The following VRK2 variants were observed in gnomAD, a reference collection of about 807,000 sequenced individuals.
VRK2 encodes serine/threonine-protein kinase VRK2.
A neutral mutation model predicts 57.6 loss-of-function variants in VRK2; 60 were observed. That is an observed-to-expected ratio of 1.04 (90% CI 0.85 to 1.29). The LOEUF (loss-of-function observed/expected upper bound fraction) is 1.29. Ranked by LOEUF, VRK2 falls within the 50% of genes most tolerant of loss-of-function variation. The pLI, the probability that VRK2 is intolerant of heterozygous loss-of-function variation, is 0.00. For synonymous variants in VRK2, 231 were observed against 199.2 expected (o/e 1.16, Z -1.35); for missense variants, 705 against 588.1 (o/e 1.20, Z -2.06).
At chr2:57,969,337 A>G (rs1394647210) in intron 1 of VRK2, among the ~76,000 whole-genome samples, 11 of 152,084 alleles carry the variant, frequency 7.2e-5, no homozygotes, top group Non-Finnish European at 1.6e-4. Flanking sequence ...GAAAATAAAT[A>G]TGTTTAAAAA....
intron 2 of VRK2, among the ~76,000 whole-genome samples, chr2:58,068,431 T>G (rs1389942258): frequency 6.6e-6 from 1 of 152,172 alleles, no homozygotes; most frequent in African/African-American, 2.4e-5. Context: ...TAATGCATTG[T>G]TCACTCTGGC....
chr2:58,031,108 G>C (rs1212119110), intron 2 of VRK2, among the ~76,000 whole-genome samples: 2 of 152,050 alleles, frequency 1.3e-5, no homozygotes, highest in Non-Finnish European at 2.9e-5. Context: ...ATGTGAGTAT[G>C]ATAACATACT....
At chr2:58,078,512 C>A (rs1321918895) in intron 2 of VRK2, among the ~76,000 whole-genome samples, 1 of 151,956 alleles carries the variant, frequency 6.6e-6, no homozygotes, top group Non-Finnish European at 1.5e-5. Context: ...TCAATACATA[C>A]CCAGAAATGG....
intron 1 of VRK2, among the ~76,000 whole-genome samples, chr2:57,917,245 T>C (rs968370957): frequency 1.8e-4 from 27 of 152,002 alleles, no homozygotes; most frequent in African/African-American, 5.8e-4. Context: ...GTAAAGAAAT[T>C]AGCACTAGAC....
At chr2:58,136,911 A>AT (rs1558684941) in intron 10 of VRK2, among the ~76,000 whole-genome samples, 11 of 123,740 alleles carry the variant, frequency 8.9e-5, no homozygotes, top group African/African-American at 3.8e-4. Context: ...TATCATATAT[A>AT]TATCATATAT....
At chr2:58,146,654 T>C (rs912089740) in intron 12 of VRK2, among the ~76,000 whole-genome samples, 180 bp downstream of exon 12, 1 of 152,018 alleles carries the variant, frequency 6.6e-6, no homozygotes, top group Non-Finnish European at 1.5e-5. Context: ...CCAGTTATCA[T>C]AGAAACAGAA....
chr2:58,004,149 T>G (rs1332234831), intron 1 of VRK2, among the ~76,000 whole-genome samples: 2 of 150,434 alleles, frequency 1.3e-5, no homozygotes, highest in East Asian at 3.8e-4. Context: ...TTTTTTCTCT[T>G]TGTCTCTTTT....
intron 2 of VRK2, among the ~76,000 whole-genome samples, chr2:58,060,983 T>C (rs1677242110): frequency 6.6e-6 from 1 of 151,862 alleles, no homozygotes; most frequent in African/African-American, 2.4e-5. Flanking sequence ...ATCGCTAAAA[T>C]AGGCTTGAAA....
At chr2:58,064,312 G>T (rs1322878703) in intron 2 of VRK2, among the ~76,000 whole-genome samples, 3 of 152,046 alleles carry the variant, frequency 2.0e-5, no homozygotes, top group African/African-American at 4.8e-5. Context: ...AGAGTCAATT[G>T]ATGTGGCAAA....
At chr2:58,018,801 G>A (rs1179904796) in intron 1 of VRK2, among the ~76,000 whole-genome samples, 1 of 152,002 alleles carries the variant, frequency 6.6e-6, no homozygotes, top group Non-Finnish European at 1.5e-5. Flanking sequence ...CCAATTATAA[G>A]GGTATAATGA....
At chr2:57,922,454 TTG>T (rs59731064) in intron 1 of VRK2, among the ~76,000 whole-genome samples, 20,214 of 146,870 alleles carry the variant, frequency 0.14, 1,740 homozygotes, top group African/African-American at 0.25. Flanking sequence ...AGTTACCTTC[TTG>T]TGTGTGTGTG....
intron 7 of VRK2, among the ~76,000 whole-genome samples, chr2:58,104,927 G>A (rs1284963815): frequency 1.3e-5 from 2 of 151,694 alleles, no homozygotes; most frequent in East Asian, 3.9e-4. Context: ...CCAAGTGATT[G>A]TTGATAGAGT....
intron 3 of VRK2, among the ~76,000 whole-genome samples, chr2:58,036,626 A>G (rs1674282774): frequency 6.6e-6 from 1 of 151,918 alleles, no homozygotes; most frequent in Non-Finnish European, 1.5e-5. Context: ...TAAAACCAAA[A>G]AAAATGTAGT....
upstream of VRK2, chr2:58,046,646 A>T (rs1460439126): frequency 8.1e-6 from 8 of 985,442 alleles, no homozygotes; most frequent in African/African-American, 1.7e-5. Flanking sequence ...CGGGGCGTGG[A>T]CAGGCCGCTG....
At chr2:57,925,696 G>C (rs1670507982) in intron 1 of VRK2, among the ~76,000 whole-genome samples, 1 of 149,200 alleles carries the variant, frequency 6.7e-6, no homozygotes, top group Non-Finnish European at 1.5e-5. Flanking sequence ...ATTTATTTCT[G>C]CTCTGATTTA....
chr2:57,989,815 GT>G (rs1227437091), intron 1 of VRK2, among the ~76,000 whole-genome samples: 1 of 152,020 alleles, frequency 6.6e-6, no homozygotes, highest in African/African-American at 2.4e-5. Flanking sequence ...TCTCCTGTTT[GT>G]TTTATTATTT....
At chr2:58,137,090 GTA>G (rs1424207911) in intron 10 of VRK2, among the ~76,000 whole-genome samples, 148 of 120,126 alleles carry the variant, frequency 1.2e-3, no homozygotes, top group Non-Finnish European at 1.9e-3. Flanking sequence ...ATATATATGT[GTA>G]TATATCATAT....
chr2:58,009,750 T>C (rs1572774572), intron 1 of VRK2, among the ~76,000 whole-genome samples: 2 of 152,074 alleles, frequency 1.3e-5, no homozygotes, highest in East Asian at 1.9e-4. Context: ...TACAGATGCT[T>C]AAGAAAAATT....
chr2:57,983,786 AAC>A (rs753079561), intron 1 of VRK2, among the ~76,000 whole-genome samples: 29 of 152,248 alleles, frequency 1.9e-4, no homozygotes, highest in Non-Finnish European at 4.0e-4. Flanking sequence ...TGGAGGATTA[AAC>A]ACAGTGATAC....
Sources: allele counts gnomAD v4.1 joint callset (sites outside exome capture counted in the v4.1 genomes callset), GRCh38; gene constraint gnomAD v4.1.1; transcripts MANE v1.5; gene names NCBI Gene and HGNC (gene_info 2026-07-23, HGNC 2026-07-21).